The following SMN1 variants were observed in gnomAD, a reference collection of about 807,000 sequenced individuals.
SMN1 encodes survival of motor neuron 1, telomeric.
For missense variants in SMN1, 15 were observed against 17.1 expected (o/e 0.88, Z 0.22); for synonymous variants, 3 against 5.1 (o/e 0.58, Z 0.56).
chr5:70,945,632 G>C (rs1749540560), intron 6 of SMN1, among the ~76,000 whole-genome samples: 1 of 95,726 alleles, frequency 1.0e-5, no homozygotes, highest in Non-Finnish European at 2.0e-5. Flanking sequence ...ATTTATGCTT[G>C]ATTTTTTTTT....
chr5:70,951,869 A>G, intron 7 of SMN1, 72 bp from the exon 8 acceptor site: 16 of 1,290,686 alleles, frequency 1.2e-5, no homozygotes, highest in Non-Finnish European at 1.8e-5. Context: ...TAACATCCAT[A>G]TAAAGCTATC....
chr5:70,950,461 A>G (rs1749662362), intron 7 of SMN1, among the ~76,000 whole-genome samples: 5 of 149,070 alleles, frequency 3.4e-5, no homozygotes, highest in South Asian at 4.3e-4. Flanking sequence ...TAATTAGTTT[A>G]TTTATTTTTT....
chr5:70,951,968 A>G lies in SMN1; in HGVS notation c.862A>G (p.Arg288Gly), dbSNP rs1472645065. The G allele has an allele frequency of 1.7e-5, 28 of 1,613,040 alleles. 1 individual carries two copies. The highest frequency in any genetic ancestry group is 2.3e-5 in the Non-Finnish European group (27 of 1,179,464). The change falls in exon 8 of 9, where the codon AGG (arginine) becomes GGG (glycine). Residue 288 changes from arginine (R) to glycine (G), a missense_variant. Coordinates refer to ENST00000380707, the MANE Select transcript of SMN1 (RefSeq NM_000344.4). ...TTTCAGACAAAATCAAAAAGAAGGA[A>G]GGTGCTCACATTCCTTAAATTAAGG... ...MGFRQNQKEG[R>G]CSHSLN is the part of the protein sequence containing the mutation.
chr5:70,935,777 A>AC (rs1484907159), intron 1 of SMN1, among the ~76,000 whole-genome samples: 86 of 147,574 alleles, frequency 5.8e-4, no homozygotes, highest in African/African-American at 1.8e-3. Context: ...ACAAAACAAA[A>AC]AAAAAACAGG....
At chr5:70,957,385 G>A (rs1749929924), downstream of SMN1, among the ~76,000 whole-genome samples, 1 of 125,636 alleles carries the variant, frequency 8.0e-6, no homozygotes, top group Non-Finnish European at 1.7e-5. Context: ...GGGCATCCCT[G>A]TCTTGTGCGT....
chr5:70,963,878 CTTTTTTT>C, the SMN1 span, among the ~76,000 whole-genome samples: 167 of 69,262 alleles, frequency 2.4e-3, no homozygotes, highest in East Asian at 0.056. Flanking sequence ...AAGTTTCAAA[CTTTTTTT>C]TTTTTTTTTT....
intron 7 of SMN1, among the ~76,000 whole-genome samples, chr5:70,946,513 C>CT (rs1233804907): frequency 0.017 from 57 of 3,276 alleles, 8 homozygotes; most frequent in Non-Finnish European, 0.02. Context: ...AAATGAAATT[C>CT]TTTTTTTTTT....
chr5:70,955,221 A>C (rs1749873006), downstream of SMN1, among the ~76,000 whole-genome samples: 1 of 146,948 alleles, frequency 6.8e-6, no homozygotes, highest in Non-Finnish European at 1.5e-5. Context: ...TCTCAAAAAA[A>C]AAAACCAAAC....
rs772466166 is a variant in SMN1, at chr5:70,951,938, C to A, written c.835-3C>A. 1 of 1,612,320 alleles carries A rather than the reference C, an allele frequency of 6.2e-7. No homozygotes were observed. Among genetic ancestry groups the A allele is most frequent in the Non-Finnish European group, 8.5e-7 (1 of 1,178,986 alleles). ...TTTTTAACTTCCTTTATTTTCCTTA[C>A]AGGGTTTCAGACAAAATCAAAAAGA... On this transcript the variant is annotated splice_region_variant and splice_polypyrimidine_tract_variant and intron_variant, in intron 7 of 8. Coordinates refer to ENST00000380707, the MANE Select transcript of SMN1 (RefSeq NM_000344.4).
At chr5:70,963,778 C>G in the SMN1 span, among the ~76,000 whole-genome samples, 3 of 109,814 alleles carry the variant, frequency 2.7e-5, no homozygotes, top group Non-Finnish European at 6.2e-5. Context: ...TATAAAGATA[C>G]CTGAAAATGT....
the SMN1 span, among the ~76,000 whole-genome samples, chr5:70,959,642 G>GT: frequency 5.0e-3 from 80 of 15,920 alleles, 3 homozygotes; most frequent in Admixed American, 8.3e-3. Context: ...CATTTAAATT[G>GT]TTTTTTTTTT....
Position 70,952,211 on chromosome 5 carries a change from G to A in SMN1, c.*3+217G>A, listed in dbSNP as rs1448105561. The A allele has an allele frequency of 3.6e-5, 54 of 1,499,738 alleles. 1 individual carries two copies. The highest frequency in any genetic ancestry group is 4.6e-5 in the Non-Finnish European group (52 of 1,124,262). The allele number at this position is 1,499,738 out of a possible 1,614,324, so 92.9% of individuals were successfully genotyped here. A position where few individuals can be genotyped will look rare whatever the true frequency, so the allele number is the denominator to read the frequency against. ...TTCTCATACTTAACTGGTTGGTTAT[G>A]TGGAAGAAACATACTTTCACAATAA... is the stretch of plus-strand genomic sequence containing the variant. On this transcript the variant is annotated intron_variant, in intron 8 of 8. Coordinates refer to ENST00000380707, the MANE Select transcript of SMN1 (RefSeq NM_000344.4).
intron 5 of SMN1, among the ~76,000 whole-genome samples, chr5:70,943,710 A>G (rs1401216673): frequency 2.0e-4 from 26 of 126,954 alleles, no homozygotes; most frequent in African/African-American, 6.8e-4. Context: ...AGATTATGTC[A>G]TGGAACCTTA....
intron 8 of SMN1, chr5:70,952,198 A>C: frequency 6.7e-7 from 1 of 1,493,922 alleles, no homozygotes; most frequent in Admixed American, 2.4e-5. Flanking sequence ...CTCATACTTA[A>C]CTGGTTGGTT....
chr5:70,952,233 A>C, intron 8 of SMN1: 1 of 1,487,798 alleles, frequency 6.7e-7, no homozygotes, highest in African/African-American at 1.4e-5. Context: ...TACTTTCACA[A>C]TAAAGAGCTT....
downstream of SMN1, chr5:70,953,552 A>ATC: frequency 5.5e-5 from 1 of 18,046 alleles, no homozygotes; most frequent in African/African-American, 1.1e-4. Flanking sequence ...AAGGTAGTAC[A>ATC]TCTTATTCTT....
chr5:70,951,359 C>T (rs1190577096), intron 7 of SMN1, among the ~76,000 whole-genome samples: 2 of 151,726 alleles, frequency 1.3e-5, no homozygotes, highest in South Asian at 2.1e-4. Flanking sequence ...CTGCAGCCTC[C>T]GCCTCCTGGG....
the SMN1 span, among the ~76,000 whole-genome samples, chr5:70,960,079 A>G: frequency 6.7e-6 from 1 of 149,772 alleles, no homozygotes; most frequent in East Asian, 2.0e-4. Flanking sequence ...TTGTCAATTG[A>G]ATAGTTAAAA....
chr5:70,950,413 G>A (rs1389773481), intron 7 of SMN1, among the ~76,000 whole-genome samples: 5 of 146,488 alleles, frequency 3.4e-5, no homozygotes, highest in African/African-American at 1.0e-4. Flanking sequence ...GCGAAACTCC[G>A]TCTCAAAAAA....
Sources: gnomAD v4.1 joint callset for allele counts (sites outside exome capture counted in the v4.1 genomes callset) on GRCh38, gnomAD v4.1.1 for gene constraint, MANE v1.5 for transcripts, NCBI Gene and HGNC (gene_info 2026-07-23, HGNC 2026-07-21) for gene names.